The following IMMP2L variants were observed in gnomAD, a reference collection of about 807,000 sequenced individuals.
IMMP2L encodes the protein mitochondrial inner membrane protease subunit 2.
A neutral mutation model predicts 19.3 loss-of-function variants in IMMP2L; 18 were observed. That is an observed-to-expected ratio of 0.93 (90% confidence interval 0.64 to 1.38). IMMP2L has a LOEUF of 1.38. Ranked by LOEUF, IMMP2L falls within the 40% of genes most tolerant of loss-of-function variation. IMMP2L has a pLI of 0.00. For synonymous variants in IMMP2L, 76 were observed against 73.0 expected, an observed-to-expected ratio of 1.04 and a Z score of -0.21; for missense variants, 233 against 218.2, an observed-to-expected ratio of 1.07 and a Z score of -0.43.
At chr7:111,177,171 A>C (rs1807166175) in intron 3 of IMMP2L, among the ~76,000 whole-genome samples, 1 of 151,906 alleles carries the variant, frequency 6.6e-6, no homozygotes, top group South Asian at 2.1e-4. Context: ...CCCTGCTTTT[A>C]TTTTTTCATT....
At chr7:111,014,289 A>T (rs1825268731) in intron 3 of IMMP2L, among the ~76,000 whole-genome samples, 1 of 152,020 alleles carries the variant, frequency 6.6e-6, no homozygotes, top group South Asian at 2.1e-4. Flanking sequence ...TGGGAGGCAG[A>T]GGTTGCAGTG....
At chr7:111,480,597 C>CAAAAAAAAAAAAAAA (rs925037556) in intron 3 of IMMP2L, among the ~76,000 whole-genome samples, 3 of 55,058 alleles carry the variant, frequency 5.4e-5, no homozygotes, top group African/African-American at 5.0e-5. Context: ...ATTTTACTGT[C>CAAAAAAAAAAAAAAA]AAAAAAAAAA....
intron 3 of IMMP2L, among the ~76,000 whole-genome samples, chr7:111,157,006 A>C (rs1804711673): frequency 6.6e-6 from 1 of 152,098 alleles, no homozygotes; most frequent in South Asian, 2.1e-4. Flanking sequence ...GAGAAATGCA[A>C]ATCAAAACCA....
intron 3 of IMMP2L, among the ~76,000 whole-genome samples, chr7:111,167,560 C>T (rs973515607): frequency 6.6e-6 from 1 of 151,894 alleles, no homozygotes; most frequent in African/African-American, 2.4e-5. Flanking sequence ...CATATTACCC[C>T]AAACTCCACA....
intron 3 of IMMP2L, among the ~76,000 whole-genome samples, chr7:111,446,826 G>A (rs1223220983): frequency 3.3e-5 from 5 of 151,688 alleles, no homozygotes; most frequent in South Asian, 2.1e-4. Context: ...TTAGAAGAAT[G>A]TATAACTAGA....
chr7:111,389,812 C>A (rs1057193092), intron 3 of IMMP2L, among the ~76,000 whole-genome samples: 2 of 152,102 alleles, frequency 1.3e-5, no homozygotes, highest in Non-Finnish European at 2.9e-5. Flanking sequence ...ACAATCTGCT[C>A]TGAATTTTGA....
chr7:111,395,761 C>T lies in IMMP2L; in HGVS notation c.239+91477G>A, dbSNP rs1832808829. ...CAAAAAAACTATTGGGCATTAATTCCATCTGGACTCTCCACTAAATAAGCA... is the reference window on the plus strand; with the variant it reads ...CAAAAAAACTATTGGGCATTAATTCTATCTGGACTCTCCACTAAATAAGCA... On this transcript the variant is annotated intron_variant, in intron 3 of 5. Coordinates refer to ENST00000405709, the MANE Select transcript of IMMP2L (RefSeq NM_032549.4). Among the ~76,000 whole-genome samples the T allele has an allele frequency of 2.0e-5, 3 of 152,122 alleles. No homozygotes were observed. The South Asian group carries it at 6.2e-4, about 32-fold the overall frequency.
intron 3 of IMMP2L, among the ~76,000 whole-genome samples, chr7:111,060,124 A>G (rs1437978653): frequency 1.3e-5 from 2 of 152,192 alleles, no homozygotes; most frequent in Non-Finnish European, 2.9e-5. Context: ...CAAAGAAGCC[A>G]AAAAAGCAAA....
chr7:110,766,581 T>TA (rs772192515), intron 5 of IMMP2L, among the ~76,000 whole-genome samples: 1,491 of 96,624 alleles, frequency 0.015, 11 homozygotes, highest in African/African-American at 0.02. Context: ...AGACTTCATT[T>TA]AAAAAAAAAA....
chr7:111,274,059 C>T (rs1025933492), intron 3 of IMMP2L, among the ~76,000 whole-genome samples: 3 of 152,014 alleles, frequency 2.0e-5, no homozygotes, highest in Admixed American at 2.0e-4. Flanking sequence ...TTTACTCTGC[C>T]AATGACACCC....
At chr7:111,115,393 T>C (rs929099648) in intron 3 of IMMP2L, among the ~76,000 whole-genome samples, 17 of 152,260 alleles carry the variant, frequency 1.1e-4, no homozygotes, top group Middle Eastern at 3.4e-3. Context: ...AAATCAATAA[T>C]TAAATATAAC....
intron 3 of IMMP2L, among the ~76,000 whole-genome samples, chr7:111,098,532 G>A (rs1175384924): frequency 2.6e-5 from 4 of 151,670 alleles, no homozygotes; most frequent in African/African-American, 9.7e-5. Flanking sequence ...GCCCTTATAC[G>A]TTCAAACCAC....
At chr7:111,070,698 T>C (rs959916843) in intron 3 of IMMP2L, among the ~76,000 whole-genome samples, 3 of 152,168 alleles carry the variant, frequency 2.0e-5, no homozygotes, top group South Asian at 4.1e-4. Context: ...TGCTGCACCA[T>C]AGTGGCCATA....
At chr7:111,338,452 C>A (rs1290254708) in intron 3 of IMMP2L, among the ~76,000 whole-genome samples, 1 of 151,740 alleles carries the variant, frequency 6.6e-6, no homozygotes, top group African/African-American at 2.4e-5. Context: ...ACTAGGTATT[C>A]TCAATAATAA....
At chr7:111,501,057 A>G (rs1426871087) in intron 2 of IMMP2L, among the ~76,000 whole-genome samples, 1 of 152,158 alleles carries the variant, frequency 6.6e-6, no homozygotes, top group African/African-American at 2.4e-5. Context: ...CCAATGGCAA[A>G]GAAGTTAAAA....
At chr7:111,117,620 A>T (rs947800355) in intron 3 of IMMP2L, among the ~76,000 whole-genome samples, 8 of 152,114 alleles carry the variant, frequency 5.3e-5, no homozygotes, top group Admixed American at 4.6e-4. Flanking sequence ...TTTTACAAGG[A>T]TGCATTTAGT....
intron 3 of IMMP2L, among the ~76,000 whole-genome samples, chr7:111,440,670 A>G (rs539286364): frequency 6.6e-6 from 1 of 151,876 alleles, no homozygotes; most frequent in South Asian, 2.1e-4. Context: ...ATTGGCTTCA[A>G]CTTAAAGTGA....
intron 3 of IMMP2L, among the ~76,000 whole-genome samples, chr7:111,009,292 T>C (rs1222743205): frequency 1.3e-5 from 2 of 152,148 alleles, no homozygotes; most frequent in Admixed American, 6.6e-5. Flanking sequence ...GTAAAAGCTA[T>C]AATTGCAATG....
chr7:111,211,819 C>T (rs1393835443), intron 3 of IMMP2L, among the ~76,000 whole-genome samples: 1 of 151,932 alleles, frequency 6.6e-6, no homozygotes, highest in Admixed American at 6.5e-5. Context: ...CGGTGAAACC[C>T]CGTCTCTACT....
Sources: allele counts gnomAD v4.1 joint callset (sites outside exome capture counted in the v4.1 genomes callset), GRCh38; gene constraint gnomAD v4.1.1; transcripts MANE v1.5; gene names NCBI Gene and HGNC (gene_info 2026-07-23, HGNC 2026-07-21).